Variants in CELF2 observed in about 807,000 individuals in gnomAD.
CELF2 encodes the protein CUGBP Elav-like family member 2.
CELF2 carries 8 observed loss-of-function variants against 62.6 expected under a neutral mutation model. The ratio of observed to expected loss-of-function variants is 0.13; its 90% confidence interval spans 0.07 to 0.23. The LOEUF is 0.23. CELF2 is among the 10% of genes least tolerant of loss of function. The probability of loss-of-function intolerance (pLI) is 1.00; values close to 1 mark genes in which losing one functional copy is unlikely to be tolerated. For synonymous variants in CELF2, 258 were observed against 250.0 expected (o/e 1.03, Z -0.30); for missense variants, 333 against 671.0 (o/e 0.50, Z 5.56).
chr10:10,861,423 G>T (rs2060041730), intron 1 of CELF2, among the ~76,000 whole-genome samples: 1 of 152,162 alleles, frequency 6.6e-6, no homozygotes, highest in African/African-American at 2.4e-5. Flanking sequence ...ACTAAGTTAG[G>T]TTGCATTTTG....
At chr10:10,668,466 A>G in the CELF2 span, among the ~76,000 whole-genome samples, 1 of 152,180 alleles carries the variant, frequency 6.6e-6, no homozygotes. Flanking sequence ...GTACAGTTCC[A>G]TGGTACGAAT....
chr10:10,949,694 G>A (rs1470557111), intron 2 of CELF2, among the ~76,000 whole-genome samples: 1 of 151,866 alleles, frequency 6.6e-6, no homozygotes, highest in Non-Finnish European at 1.5e-5. Context: ...CCAGCTACTA[G>A]GGAAGCTGAG....
intron 2 of CELF2, chr10:10,923,798 G>C (rs186437111): frequency 3.9e-5 from 6 of 152,344 alleles, no homozygotes; most frequent in African/African-American, 1.2e-4. Context: ...TTATGTTGAA[G>C]TGTCCCGGAA....
the CELF2 span, among the ~76,000 whole-genome samples, chr10:10,738,209 G>T: frequency 6.6e-6 from 1 of 152,160 alleles, no homozygotes; most frequent in South Asian, 2.1e-4. Flanking sequence ...CTAGGTTAGG[G>T]TATGTGGCAA....
At chr10:10,688,227 G>T in the CELF2 span, among the ~76,000 whole-genome samples, 1 of 152,172 alleles carries the variant, frequency 6.6e-6, no homozygotes, top group African/African-American at 2.4e-5. Flanking sequence ...TCCTGTAACT[G>T]CAGCTTGAAA....
Position 11,177,694 on chromosome 10 carries a change from A to G in CELF2, c.271+12012A>G, listed in dbSNP as rs2071741536. On this transcript the variant is annotated intron_variant, in intron 2 of 12. Coordinates refer to ENST00000633077, the MANE Select transcript of CELF2 (RefSeq NM_001326342.2). The surrounding 1 kb of genome is among the most constrained non-coding windows in gnomAD (Gnocchi z 4.8). ...TCTGTAAGATAGTCAAGGCTTCTCC[A>G]GTAGAAAGTTAGGTTTTGTAATAAG... 6.6e-6 allele frequency among the ~76,000 whole-genome samples: 1 copy of G among 152,206 alleles called. No homozygotes were observed. The highest frequency in any genetic ancestry group is 6.5e-5 in the Admixed American group (1 of 15,280).
upstream of CELF2, among the ~76,000 whole-genome samples, chr10:11,000,498 T>G (rs901472520): frequency 8.5e-5 from 13 of 152,246 alleles, no homozygotes; most frequent in African/African-American, 3.1e-4. Flanking sequence ...TAATCATTCC[T>G]GCGCCCTGCT....
chr10:10,718,065 A>G, the CELF2 span, among the ~76,000 whole-genome samples: 1 of 152,206 alleles, frequency 6.6e-6, no homozygotes, highest in Non-Finnish European at 1.5e-5. Flanking sequence ...AACAAAGAAG[A>G]TAATTATTAT....
At chr10:10,805,780 G>A (rs2055162472) in intron 1 of CELF2, among the ~76,000 whole-genome samples, 1 of 151,956 alleles carries the variant, frequency 6.6e-6, no homozygotes, top group African/African-American at 2.4e-5. Flanking sequence ...TCTTGCTCCA[G>A]GAAAAAAGAG....
At chr10:11,208,900 A>C (rs997044736) in intron 2 of CELF2, among the ~76,000 whole-genome samples, 2 of 152,188 alleles carry the variant, frequency 1.3e-5, no homozygotes, top group African/African-American at 4.8e-5. Context: ...TGCTACTTGT[A>C]AAATTTTGTG....
At chr10:10,909,760 T>C (rs1455248959) in intron 1 of CELF2, among the ~76,000 whole-genome samples, 1 of 152,154 alleles carries the variant, frequency 6.6e-6, no homozygotes, top group Non-Finnish European at 1.5e-5. Context: ...TGAAATGAGG[T>C]GGATAAAATC....
In CELF2 at chr10:10,822,718, AAG is replaced by A. The variant is rs567093189; in HGVS notation, c.53+23909_53+23910del. 6.2e-3 allele frequency among the ~76,000 whole-genome samples: 945 copies of A among 152,316 alleles called. 11 individuals carry two copies. The highest frequency in any genetic ancestry group is 0.022 in the African/African-American group (908 of 41,568). ...GCTTCCTTTCTTTTCATATGTCAGA[AAG>A]AGAGAGAAAGAGGAAGGGGGAGAAG... On this transcript the variant is annotated intron_variant, in intron 1 of 13. Coordinates refer to the CELF2 transcript ENST00000636488.
At chr10:10,541,655 G>A in the CELF2 span, among the ~76,000 whole-genome samples, 2 of 152,204 alleles carry the variant, frequency 1.3e-5, no homozygotes, top group African/African-American at 4.8e-5. Context: ...GCTGATGGGA[G>A]TGTCTTTTAG....
At chr10:10,745,286 C>T in the CELF2 span, among the ~76,000 whole-genome samples, 3 of 152,266 alleles carry the variant, frequency 2.0e-5, no homozygotes. Context: ...TTATTGGTCA[C>T]AGCTGCTGCT....
the CELF2 span, among the ~76,000 whole-genome samples, chr10:10,755,097 A>C: frequency 2.6e-5 from 4 of 152,242 alleles, no homozygotes; most frequent in African/African-American, 9.6e-5. Flanking sequence ...ATGAAACTTG[A>C]AAGGGAGAAA....
intron 2 of CELF2, among the ~76,000 whole-genome samples, chr10:11,215,854 A>G (rs949848247): frequency 3.9e-4 from 59 of 152,206 alleles, no homozygotes; most frequent in African/African-American, 1.3e-3. Context: ...ATTCCTTGGC[A>G]TGAAGCAATT....
At chr10:10,732,998 C>T in the CELF2 span, among the ~76,000 whole-genome samples, 1 of 152,190 alleles carries the variant, frequency 6.6e-6, no homozygotes, top group Non-Finnish European at 1.5e-5. Context: ...AAGAAATCAT[C>T]AAGCAGTGAG....
At chr10:11,327,525 G>C (rs1351561828) in intron 12 of CELF2, among the ~76,000 whole-genome samples, 1 of 152,076 alleles carries the variant, frequency 6.6e-6, no homozygotes, top group Non-Finnish European at 1.5e-5. Context: ...CATTTCTTAG[G>C]GCTGCCAGTC....
chr10:10,580,594 T>C, the CELF2 span, among the ~76,000 whole-genome samples: 1 of 152,210 alleles, frequency 6.6e-6, no homozygotes, highest in Non-Finnish European at 1.5e-5. Context: ...TTTCTTCATA[T>C]TTAAAACAGA....
Sources: gnomAD v4.1 joint callset for allele counts (sites outside exome capture counted in the v4.1 genomes callset) on GRCh38, gnomAD v4.1.1 for gene constraint, Gnocchi (gnomAD v3.1) non-coding constraint, MANE v1.5 for transcripts, NCBI Gene and HGNC (gene_info 2026-07-23, HGNC 2026-07-21) for gene names.